The following METTL15 variants were observed in gnomAD, a reference collection of about 807,000 sequenced individuals.
METTL15 encodes the protein methyltransferase 15, mitochondrial 12S rRNA N4-cytidine.
Under a neutral mutation model 38.3 loss-of-function variants are expected in METTL15, and 34 were observed. The ratio of observed to expected loss-of-function variants is 0.89; its 90% confidence interval spans 0.68 to 1.18. METTL15 has a LOEUF of 1.18. Among genes scored for constraint, METTL15 ranks in the 50% most tolerant of loss-of-function variants. METTL15 has a pLI of 0.00. For synonymous variants in METTL15, 162 were observed against 170.9 expected (o/e 0.95, Z 0.41); for missense variants, 438 against 498.4 (o/e 0.88, Z 1.15).
intron 6 of METTL15, among the ~76,000 whole-genome samples, chr11:28,315,618 A>T (rs1180466010): frequency 6.6e-6 from 1 of 152,232 alleles, no homozygotes; most frequent in African/African-American, 2.4e-5. Context: ...TCCCCAAGAC[A>T]ATGGGGAAAA....
At chr11:28,273,797 A>G (rs1236371148) in intron 4 of METTL15, among the ~76,000 whole-genome samples, 1 of 152,082 alleles carries the variant, frequency 6.6e-6, no homozygotes. Context: ...ATATTTTATT[A>G]GTATAGGAAG....
chr11:28,453,961 A>G (rs1851146511), intron 6 of METTL15, among the ~76,000 whole-genome samples: 1 of 152,186 alleles, frequency 6.6e-6, no homozygotes, highest in African/African-American at 2.4e-5. Flanking sequence ...CATAATTTTA[A>G]TCATACTGTA....
At chr11:28,237,747 G>C (rs191282200) in intron 4 of METTL15, among the ~76,000 whole-genome samples, 1 of 152,022 alleles carries the variant, frequency 6.6e-6, no homozygotes, top group Non-Finnish European at 1.5e-5. Context: ...TCTACTTTTG[G>C]TCTTTGATGA....
chr11:28,264,738 G>A (rs1233269641), intron 4 of METTL15, among the ~76,000 whole-genome samples: 1 of 152,062 alleles, frequency 6.6e-6, no homozygotes, highest in African/African-American at 2.4e-5. Context: ...CCTCATTTCT[G>A]AATAGAGTTG....
At chr11:28,434,717 G>C (rs139014505) in intron 6 of METTL15, among the ~76,000 whole-genome samples, 2 of 152,312 alleles carry the variant, frequency 1.3e-5, no homozygotes, top group Non-Finnish European at 2.9e-5. Flanking sequence ...TGGGTCTACT[G>C]TCTGGCTGAA....
intron 4 of METTL15, among the ~76,000 whole-genome samples, chr11:28,216,239 A>G (rs1010108689): frequency 2.6e-5 from 4 of 152,150 alleles, no homozygotes; most frequent in African/African-American, 9.7e-5. Context: ...AGATTACACT[A>G]TAAAATCACT....
At position 28,331,799 on chromosome 11, in the gene METTL15, A is replaced by G. The variant is rs1849824040; in HGVS notation, c.*958A>G. 1 of 152,234 alleles carries G rather than the reference A, an allele frequency of 6.6e-6. No homozygotes were observed. The allele number at this position is 152,234 out of a possible 1,614,324, so 9.4% of individuals were successfully genotyped here. A position where few individuals can be genotyped will look rare whatever the true frequency, so the allele number is the denominator to read the frequency against. On this transcript the variant is annotated 3_prime_UTR_variant, in exon 7 of 7. Transcript: ENST00000407364. ...TTCATAATTCACATGTCAATTTTTT[A>G]TAGTAATATGTACTTCTAATTTATT... is the stretch of plus-strand genomic sequence containing the variant.
At chr11:28,357,030 A>G (rs1850096621) in intron 4 of METTL15, among the ~76,000 whole-genome samples, 1 of 152,154 alleles carries the variant, frequency 6.6e-6, no homozygotes, top group Non-Finnish European at 1.5e-5. Context: ...AGAACCTCAC[A>G]GTTGCTATTA....
intron 3 of METTL15, among the ~76,000 whole-genome samples, chr11:28,117,905 A>G (rs1852044133): frequency 6.6e-6 from 1 of 152,150 alleles, no homozygotes; most frequent in South Asian, 2.1e-4. Context: ...TTTTCAAACT[A>G]TGAGTCATAC....
chr11:28,234,124 G>A (rs1394800521), intron 4 of METTL15, among the ~76,000 whole-genome samples: 1 of 152,058 alleles, frequency 6.6e-6, no homozygotes, highest in African/African-American at 2.4e-5. Flanking sequence ...TCCCTACAAA[G>A]GACATGAACT....
At chr11:28,371,149 C>T (rs1030864401) in intron 5 of METTL15, among the ~76,000 whole-genome samples, 14 of 151,940 alleles carry the variant, frequency 9.2e-5, no homozygotes, top group Non-Finnish European at 1.5e-4. Flanking sequence ...AGTGTTTCCC[C>T]AATGTTTTCT....
intron 6 of METTL15, among the ~76,000 whole-genome samples, chr11:28,315,015 A>G (rs2134034181): frequency 6.6e-6 from 1 of 152,306 alleles, no homozygotes; most frequent in East Asian, 1.9e-4. Context: ...GCCCAGTCTC[A>G]GGTATGCCTT....
At chr11:28,120,525 G>T (rs1852182475) in intron 3 of METTL15, among the ~76,000 whole-genome samples, 1 of 150,618 alleles carries the variant, frequency 6.6e-6, no homozygotes, top group Non-Finnish European at 1.5e-5. Context: ...GGTGGTATGT[G>T]AATTAAAAAA....
At chr11:28,136,536 G>T (rs892445277) in intron 3 of METTL15, among the ~76,000 whole-genome samples, 2 of 152,048 alleles carry the variant, frequency 1.3e-5, no homozygotes, top group Admixed American at 6.5e-5. Flanking sequence ...TAATACATGT[G>T]GTTTACAATA....
chr11:28,321,123 C>G (rs1001279638), intron 6 of METTL15, among the ~76,000 whole-genome samples: 2 of 152,142 alleles, frequency 1.3e-5, no homozygotes, highest in Non-Finnish European at 1.5e-5. Context: ...AATCCCCTTC[C>G]TACCTACTCC....
At chr11:28,206,363 G>C (rs1398516041) in intron 3 of METTL15, among the ~76,000 whole-genome samples, 1 of 152,044 alleles carries the variant, frequency 6.6e-6, no homozygotes, top group Non-Finnish European at 1.5e-5. Flanking sequence ...ATTAAATGGG[G>C]AATCCTTTCC....
intron 4 of METTL15, among the ~76,000 whole-genome samples, chr11:28,264,007 G>A (rs943716594): frequency 2.5e-4 from 38 of 151,924 alleles, no homozygotes; most frequent in African/African-American, 9.2e-4. Context: ...ATTTAACTTT[G>A]TACACCTGAA....
chr11:28,196,964 A>G (rs1181116179), intron 3 of METTL15, among the ~76,000 whole-genome samples: 2 of 151,996 alleles, frequency 1.3e-5, no homozygotes, highest in Non-Finnish European at 2.9e-5. Context: ...TTAAAGAGCA[A>G]TACCAAAGTC....
At chr11:28,238,852 A>G (rs1042357641) in intron 4 of METTL15, among the ~76,000 whole-genome samples, 2 of 152,224 alleles carry the variant, frequency 1.3e-5, no homozygotes, top group East Asian at 1.9e-4. Flanking sequence ...GATATCCACA[A>G]TGCCAAATTC....
Sources: gnomAD v4.1 joint callset for allele counts (sites outside exome capture counted in the v4.1 genomes callset) on GRCh38, gnomAD v4.1.1 for gene constraint, MANE v1.5 for transcripts, NCBI Gene and HGNC (gene_info 2026-07-23, HGNC 2026-07-21) for gene names.